The following SLTM variants were observed in gnomAD, a reference collection of about 807,000 sequenced individuals.
The protein encoded by SLTM is SAFB like transcription modulator.
A neutral mutation model predicts 134.6 loss-of-function variants in SLTM; 43 were observed. That is an observed-to-expected ratio of 0.32 (90% CI 0.25 to 0.41). The LOEUF (loss-of-function observed/expected upper bound fraction) is 0.41. SLTM is among the 10% of genes least tolerant of loss of function. SLTM has a pLI of 1.00. For missense variants in SLTM, 1,055 were observed against 1,288.8 expected, an observed-to-expected ratio of 0.82 and a Z score of 2.78; for synonymous variants, 424 against 432.3, an observed-to-expected ratio of 0.98 and a Z score of 0.24.
intron 3 of SLTM, among the ~76,000 whole-genome samples, chr15:58,915,405 G>A (rs1259411213): frequency 3.9e-5 from 6 of 152,040 alleles, no homozygotes; most frequent in African/African-American, 1.4e-4. Context: ...AGAGCTGAAA[G>A]AAACAAATTT....
chr15:58,881,173 G>A (rs551205722), intron 20 of SLTM, among the ~76,000 whole-genome samples: 1 of 152,008 alleles, frequency 6.6e-6, no homozygotes, highest in East Asian at 2.0e-4. Context: ...CAGCCTGGGT[G>A]TCACAGCGAG....
In SLTM at chr15:58,923,840, G is replaced by A. The variant is rs976294223; in HGVS notation, c.251-6841C>T. On this transcript the variant is annotated intron_variant, in intron 2 of 20. Transcript: ENST00000380516. ...TTTTTTTTTTTGGAGACACTGTCTC[G>A]CTCTTCTTGCCCAGGCTGGAGTGCA... Among the ~76,000 whole-genome samples the A allele has an allele frequency of 8.1e-5, 9 of 111,796 alleles. No homozygotes were observed. The Admixed American group carries it at 1.3e-3, about 16-fold the overall frequency. The allele number at this position is 111,796 out of a possible 152,430, so 73.3% of individuals were successfully genotyped here. A position where few individuals can be genotyped will look rare whatever the true frequency, so the allele number is the denominator to read the frequency against.
chr15:58,926,728 C>T (rs2037497229), intron 2 of SLTM, among the ~76,000 whole-genome samples: 1 of 151,750 alleles, frequency 6.6e-6, no homozygotes, highest in Non-Finnish European at 1.5e-5. Context: ...GATTCTCCTG[C>T]CTGAGCCTCC....
chr15:58,925,846 T>C (rs2037416250), intron 2 of SLTM, among the ~76,000 whole-genome samples: 1 of 152,236 alleles, frequency 6.6e-6, no homozygotes, highest in Non-Finnish European at 1.5e-5. Flanking sequence ...ATGAATTACC[T>C]TTCTATTCTA....
At chr15:58,918,324 C>G (rs1026901445) in intron 2 of SLTM, among the ~76,000 whole-genome samples, 17 of 152,120 alleles carry the variant, frequency 1.1e-4, no homozygotes, top group African/African-American at 4.1e-4. Context: ...CTGGCACAGA[C>G]AGTGCTACTA....
rs751124011 is a variant in SLTM, at chr15:58,880,106, T to C, written c.2998A>G (p.Asn1000Asp). 7.4e-6 allele frequency: 12 copies of C among 1,611,880 alleles called. No individual in the cohort carries two copies. Among genetic ancestry groups the C allele is most frequent in the South Asian group, 1.1e-5 (1 of 90,452 alleles). Residue 1000 changes from asparagine (N) to aspartate (D), a missense_variant and splice_region_variant, in exon 21 of 21, where the codon AAC becomes GAC. Asn to Asp is a conservative substitution (Grantham distance 23, BLOSUM62 1). Coordinates refer to ENST00000380516, the MANE Select transcript of SLTM (RefSeq NM_024755.4). ...GAGMITQHSS[N>D]ASPINRIVQI... ...ACAATTCTATTAATTGGGGATGCGTTACTGAAAAAGGTTTAAAAGAAAAAA... is the reference window on the plus strand; with the variant it reads ...ACAATTCTATTAATTGGGGATGCGTCACTGAAAAAGGTTTAAAAGAAAAAA...
At chr15:58,904,623 G>A (rs1448432244) in intron 5 of SLTM, among the ~76,000 whole-genome samples, 5 of 148,928 alleles carry the variant, frequency 3.4e-5, no homozygotes, top group African/African-American at 1.2e-4. Flanking sequence ...TCAGCTCTCT[G>A]CAAACCTCTG....
intron 5 of SLTM, among the ~76,000 whole-genome samples, chr15:58,904,538 C>G (rs1293988429): frequency 1.3e-5 from 2 of 148,962 alleles, no homozygotes; most frequent in African/African-American, 5.0e-5. Flanking sequence ...ATACTGTGCT[C>G]TAAGAATTTT....
intron 5 of SLTM, among the ~76,000 whole-genome samples, chr15:58,908,172 T>G (rs1474031522): frequency 3.3e-5 from 5 of 151,572 alleles, no homozygotes; most frequent in Non-Finnish European, 5.9e-5. Flanking sequence ...TCCTCCCACC[T>G]CGGTCTACCT....
At chr15:58,900,755 GC>G (rs2035428846) in intron 6 of SLTM, 1 of 158,402 alleles carries the variant, frequency 6.3e-6, no homozygotes, top group Admixed American at 6.4e-5. Context: ...TGCTACTGTT[GC>G]CCCTGTAATT....
intron 14 of SLTM, 48 bp from the exon 15 acceptor site, chr15:58,890,509 G>A (rs201304368): frequency 1.3e-6 from 2 of 1,531,714 alleles, no homozygotes; most frequent in African/African-American, 2.8e-5. Context: ...CTAGCACTGT[G>A]TGAAAGAGAA....
At chr15:58,933,049 C>G (rs1341386937) in intron 1 of SLTM, among the ~76,000 whole-genome samples, 1 of 152,214 alleles carries the variant, frequency 6.6e-6, no homozygotes, top group African/African-American at 2.4e-5. Context: ...CACACGCTCA[C>G]CATGGCTAAA....
intron 17 of SLTM, 115 bp from the exon 18 acceptor site, chr15:58,887,655 A>T (rs772019131): frequency 6.8e-7 from 1 of 1,468,068 alleles, no homozygotes; most frequent in Non-Finnish European, 9.0e-7. Context: ...AACTTAAGGC[A>T]AAGCCATGGA....
Position 58,890,427 on chromosome 15 carries a change from G to A in SLTM, c.1933C>T (p.Arg645Ter). The part of the protein sequence containing the change: ...REIAERERRE[R>*]ERIRIIRERE... Reference sequence around the variant, plus strand: ...TCACGAATTATTCTAATGCGTTCTCGCTCTCGACGCTCTCTCTCTGCAATC... The same window carrying A: ...TCACGAATTATTCTAATGCGTTCTCACTCTCGACGCTCTCTCTCTGCAATC... The change falls in exon 15 of 21, where the codon CGA becomes TGA. Residue 645 changes from arginine (R) to a stop codon, truncating the protein, a stop_gained. Coordinates refer to ENST00000380516, the MANE Select transcript of SLTM (RefSeq NM_024755.4). LOFTEE classifies it high-confidence loss of function. 1 of 1,613,412 alleles carries A rather than the reference G, an allele frequency of 6.2e-7. No individual in the cohort carries two copies. The highest frequency in any genetic ancestry group is 8.5e-7 in the Non-Finnish European group (1 of 1,179,862).
At chr15:58,888,336 T>C (rs1464710513) in intron 17 of SLTM, 49 bp downstream of exon 17, 7 of 1,474,564 alleles carry the variant, frequency 4.7e-6, no homozygotes, top group African/African-American at 1.4e-5. Context: ...AACAGAGTTA[T>C]CACTAGCAAG....
intron 19 of SLTM, among the ~76,000 whole-genome samples, chr15:58,885,226 A>G (rs1230356747): frequency 1.3e-5 from 2 of 152,252 alleles, no homozygotes; most frequent in African/African-American, 4.8e-5. Context: ...GAAACTGTAG[A>G]ACTAGAGATC....
rs1258740012 is a variant in SLTM at position 58,910,743 on chromosome 15, C to T, written c.561+1820G>A. ...TGAGAGTTAATTTTTCTCATAGATTCTTTTTTTTTTTTTTTTTTTCAAGAC... is the reference window on the plus strand; with the variant it reads ...TGAGAGTTAATTTTTCTCATAGATTTTTTTTTTTTTTTTTTTTTTCAAGAC... On this transcript the variant is annotated intron_variant, in intron 5 of 20. Coordinates refer to ENST00000380516, the MANE Select transcript of SLTM (RefSeq NM_024755.4). Among the ~76,000 whole-genome samples the T allele has an allele frequency of 4.7e-3, 548 of 116,166 alleles. 5 individuals are homozygous for T. The highest frequency in any genetic ancestry group is 0.013 in the Middle Eastern group (3 of 228). 76.2% of individuals were successfully genotyped at this position (116,166 alleles called of 152,430 possible).
At chr15:58,893,134 T>C in intron 13 of SLTM, 74 bp from the exon 14 acceptor site, 1 of 1,457,250 alleles carries the variant, frequency 6.9e-7, no homozygotes, top group African/African-American at 1.4e-5. Context: ...TAGTAGGTCA[T>C]TTAAAAAGTT....
intron 2 of SLTM, 147 bp from the exon 3 acceptor site, chr15:58,917,146 G>A (rs1595916118): frequency 3.0e-6 from 2 of 671,396 alleles, no homozygotes; most frequent in Middle Eastern, 2.7e-4. Flanking sequence ...CCTGCTCAGA[G>A]CTGTCCCAAA....
Sources: gnomAD v4.1 joint callset for allele counts (sites outside exome capture counted in the v4.1 genomes callset) on GRCh38, gnomAD v4.1.1 for gene constraint, MANE v1.5 for transcripts, NCBI Gene and HGNC (gene_info 2026-07-23, HGNC 2026-07-21) for gene names.